The following TMEM248 variants were observed in gnomAD, a reference collection of about 807,000 sequenced individuals.
TMEM248 encodes the protein transmembrane protein 248.
TMEM248 carries 9 observed loss-of-function variants against 30.3 expected under a neutral mutation model. The ratio of observed to expected loss-of-function variants is 0.30; its 90% CI spans 0.18 to 0.52. TMEM248 has a LOEUF of 0.52. TMEM248 is among the 20% of genes least tolerant of loss of function. The pLI is 0.97. For missense variants in TMEM248, 338 were observed against 403.3 expected, an observed-to-expected ratio of 0.84 and a Z score of 1.39; for synonymous variants, 184 against 154.4, an observed-to-expected ratio of 1.19 and a Z score of -1.42.
chr7:66,922,489 G>A (rs1465220309), intron 1 of TMEM248, among the ~76,000 whole-genome samples: 1 of 152,076 alleles, frequency 6.6e-6, no homozygotes, highest in Non-Finnish European at 1.5e-5. Flanking sequence ...ATACTTAGGT[G>A]TGCATTGACC....
In TMEM248 at chr7:66,921,423, C is replaced by A. The variant is rs1044934450; in HGVS notation, c.-57C>A. The A allele has an allele frequency of 6.7e-6, 1 of 149,896 alleles. No homozygotes were observed. The highest frequency in any genetic ancestry group is 6.6e-5 in the Admixed American group (1 of 15,060). The allele number at this position is 149,896 out of a possible 1,614,324, so 9.3% of individuals were successfully genotyped here. On this transcript the variant is annotated 5_prime_UTR_variant, in exon 1 of 7. Coordinates refer to ENST00000341567, the MANE Select transcript of TMEM248 (RefSeq NM_017994.5). ...GCGGGCGTCCGCCGAGCAGCTGGCC[C>A]GGCTGGGCCCGGGGCGCGCAGCTGC...
At chr7:66,923,248 C>T (rs1262029638) in intron 1 of TMEM248, among the ~76,000 whole-genome samples, 1 of 151,812 alleles carries the variant, frequency 6.6e-6, no homozygotes. Flanking sequence ...CAGGTTCAAG[C>T]GATTTTTCTG....
chr7:66,924,799 G>A (rs1218582956), intron 1 of TMEM248, among the ~76,000 whole-genome samples: 5 of 151,476 alleles, frequency 3.3e-5, no homozygotes, highest in Non-Finnish European at 5.9e-5. Context: ...AACCTTCGCC[G>A]CCCAGTTTCA....
chr7:66,933,149 T>C (rs1760684873), intron 1 of TMEM248, among the ~76,000 whole-genome samples: 2 of 152,204 alleles, frequency 1.3e-5, no homozygotes, highest in Non-Finnish European at 1.5e-5. Flanking sequence ...CGTGAGCCAC[T>C]GTGCCTAGCT....
chr7:66,945,623 T>C (rs1299494826), intron 3 of TMEM248, among the ~76,000 whole-genome samples: 1 of 152,230 alleles, frequency 6.6e-6, no homozygotes, highest in Non-Finnish European at 1.5e-5. Flanking sequence ...ATTGTTAGTC[T>C]GGCACTGTGC....
chr7:66,929,426 A>T lies in TMEM248; in HGVS notation c.-19+7965A>T, dbSNP rs1354649625. On this transcript the variant is annotated intron_variant, in intron 1 of 6. Transcript: ENST00000341567. ...ACAATATCATGGAAATGAGAGACAA[A>T]TTTTTTTTTTTTTTTTTTTTTTTTT... 5.5e-4 allele frequency among the ~76,000 whole-genome samples: 54 copies of T among 97,660 alleles called. 1 individual carries two copies. Among genetic ancestry groups the T allele is most frequent in the South Asian group, 8.6e-4 (2 of 2,328 alleles). 64.1% of individuals were successfully genotyped at this position (97,660 alleles called of 152,430 possible). A position where few individuals can be genotyped will look rare whatever the true frequency, so the allele number is the denominator to read the frequency against.
At chr7:66,955,406 T>TA in intron 6 of TMEM248, 96 bp from the exon 7 acceptor site, 1 of 1,354,776 alleles carries the variant, frequency 7.4e-7, no homozygotes, top group Non-Finnish European at 1.0e-6. Context: ...GTCTGGTTGA[T>TA]ATGTGCAATT....
chr7:66,945,833 C>T (rs1377420678), intron 3 of TMEM248, among the ~76,000 whole-genome samples: 1 of 152,172 alleles, frequency 6.6e-6, no homozygotes, highest in Non-Finnish European at 1.5e-5. Context: ...CGCCTGTAAT[C>T]CGAGCACTTT....
rs368415011 is a variant in TMEM248 at position 66,938,091 on chromosome 7, G to A, written c.-18-3757G>A. ...GTGTGTTTCTTGTAGGCAACACATC[G>A]TTGGATCTGGTTTTTTTATTCATTC... is the stretch of plus-strand genomic sequence containing the variant. On this transcript the variant is annotated intron_variant, in intron 1 of 6. Transcript: ENST00000341567. Among the ~76,000 whole-genome samples, 22 of 152,248 alleles carry A rather than the reference G, an allele frequency of 1.4e-4. 1 individual carries two copies. The highest frequency in any genetic ancestry group is 9.8e-4 in the Admixed American group (15 of 15,282).
intron 1 of TMEM248, chr7:66,930,854 T>G (rs1186828345): frequency 6.6e-6 from 1 of 152,664 alleles, no homozygotes; most frequent in African/African-American, 2.4e-5. Flanking sequence ...AAATGCTACT[T>G]TCTGCTACAT....
At chr7:66,945,693 G>A (rs1792081557) in intron 3 of TMEM248, among the ~76,000 whole-genome samples, 1 of 152,234 alleles carries the variant, frequency 6.6e-6, no homozygotes, top group Non-Finnish European at 1.5e-5. Flanking sequence ...GCTCATGCAT[G>A]TAATCCCAGC....
intron 1 of TMEM248, 85 bp from the exon 2 acceptor site, chr7:66,941,763 C>G (rs1203948114): frequency 3.1e-6 from 4 of 1,278,306 alleles, no homozygotes; most frequent in Non-Finnish European, 4.3e-6. Flanking sequence ...CCAGCTCACC[C>G]CCCAACACCT....
intron 1 of TMEM248, among the ~76,000 whole-genome samples, chr7:66,937,376 C>T (rs1467456059): frequency 6.6e-6 from 1 of 152,118 alleles, no homozygotes; most frequent in Non-Finnish European, 1.5e-5. Flanking sequence ...TCTGTTAGGT[C>T]CATTTGGTCT....
chr7:66,936,380 A>G (rs1202285597), intron 1 of TMEM248, among the ~76,000 whole-genome samples: 3 of 152,172 alleles, frequency 2.0e-5, no homozygotes, highest in African/African-American at 7.2e-5. Flanking sequence ...CATATGTTGA[A>G]CCATCCTTGC....
chr7:66,942,644 T>C (rs568202248), intron 2 of TMEM248, among the ~76,000 whole-genome samples: 7 of 152,258 alleles, frequency 4.6e-5, no homozygotes, highest in African/African-American at 1.7e-4. Flanking sequence ...TACAGGTGCC[T>C]GCCACCACGT....
Position 66,922,520 on chromosome 7 carries a change from G to A in TMEM248, c.-19+1059G>A, listed in dbSNP as rs564654917. Among the ~76,000 whole-genome samples the A allele has an allele frequency of 7.2e-5, 11 of 152,114 alleles. 1 individual carries two copies. Among genetic ancestry groups the A allele is most frequent in the African/African-American group, 2.7e-4 (11 of 41,482 alleles). On this transcript the variant is annotated intron_variant, in intron 1 of 6. Coordinates refer to ENST00000341567, the MANE Select transcript of TMEM248 (RefSeq NM_017994.5). ...TGACCCTAAGTGCATTTACTCTCTA[G>A]GATTAAGGATTTGGAGTTTCAACTT...
chr7:66,951,186 G>A, intron 5 of TMEM248, 51 bp downstream of exon 5: 1 of 1,459,768 alleles, frequency 6.9e-7, no homozygotes, highest in South Asian at 1.5e-5. Flanking sequence ...ATATGCACAT[G>A]TGTGCGCATG....
At chr7:66,948,238 G>A (rs559414729) in intron 3 of TMEM248, among the ~76,000 whole-genome samples, 1 of 152,300 alleles carries the variant, frequency 6.6e-6, no homozygotes, top group Non-Finnish European at 1.5e-5. Flanking sequence ...CTAGACAGCT[G>A]TGCAGAAATG....
In TMEM248 at chr7:66,937,995, AG is replaced by A. The variant is rs562653640; in HGVS notation, c.-18-3852del. On this transcript the variant is annotated intron_variant, in intron 1 of 6. Coordinates refer to ENST00000341567, the MANE Select transcript of TMEM248 (RefSeq NM_017994.5). ...CCCACCTCAGCCTCCCAAAATGCTG[AG>A]ATTACAGGTGTGAGCCACTGCGCCC... Among the ~76,000 whole-genome samples, 10 of 152,164 alleles carry A rather than the reference AG, an allele frequency of 6.6e-5. 1 individual carries two copies. In the South Asian group the frequency reaches 2.1e-3, roughly 32 times the overall value.
Sources: allele counts gnomAD v4.1 joint callset (sites outside exome capture counted in the v4.1 genomes callset), GRCh38; gene constraint gnomAD v4.1.1; transcripts MANE v1.5; gene names NCBI Gene and HGNC (gene_info 2026-07-23, HGNC 2026-07-21).